Variants in CELF2 observed in about 807,000 individuals in gnomAD.
The protein encoded by CELF2 is CUGBP Elav-like family member 2.
A neutral mutation model predicts 62.6 loss-of-function variants in CELF2; 8 were observed. The ratio of observed to expected loss-of-function variants is 0.13; its 90% confidence interval spans 0.07 to 0.23. CELF2 has a LOEUF of 0.23. Ranked by LOEUF, CELF2 falls within the 10% of genes least tolerant of loss-of-function variation. The pLI, the probability that CELF2 is intolerant of heterozygous loss-of-function variation, is 1.00. For missense variants in CELF2, 333 were observed against 671.0 expected, an observed-to-expected ratio of 0.50 and a Z score of 5.56; for synonymous variants, 258 against 250.0, an observed-to-expected ratio of 1.03 and a Z score of -0.30.
chr10:10,759,296 C>CTTTTTTTT, the CELF2 span, among the ~76,000 whole-genome samples: 58 of 120,866 alleles, frequency 4.8e-4, no homozygotes, highest in East Asian at 8.3e-4. Flanking sequence ...GCCCATTTTT[C>CTTTTTTTT]TTTTTTTTTT....
chr10:10,634,602 A>G, the CELF2 span, among the ~76,000 whole-genome samples: 1 of 152,038 alleles, frequency 6.6e-6, no homozygotes, highest in Non-Finnish European at 1.5e-5. Flanking sequence ...AGGTTATGCA[A>G]TAATGCTAAA....
the CELF2 span, among the ~76,000 whole-genome samples, chr10:10,659,755 C>T: frequency 6.6e-6 from 1 of 152,192 alleles, no homozygotes; most frequent in African/African-American, 2.4e-5. Flanking sequence ...ACAGGCAAGG[C>T]ATTTCCCCAG....
At chr10:11,171,342 G>T (rs151124047) in intron 2 of CELF2, 4,337 of 152,282 alleles carry the variant, frequency 0.028, 101 homozygotes, top group Non-Finnish European at 0.039. Context: ...CTGCAGTGAG[G>T]GTTACACTGG....
At position 11,046,891 on chromosome 10, in the gene CELF2, A is replaced by G. The variant is rs1422352816; in HGVS notation, c.74+28728A>G. 1.3e-5 allele frequency among the ~76,000 whole-genome samples: 2 copies of G among 152,172 alleles called. No individual in the cohort carries two copies. Among genetic ancestry groups the G allele is most frequent in the Non-Finnish European group, 2.9e-5 (2 of 68,044 alleles). ...GTGCTTGAGTCACTGGGGAGAAGAA[A>G]ATTTCCAGAGATGTGATAGAAAACA... On this transcript the variant is annotated intron_variant, in intron 1 of 12. Coordinates refer to ENST00000633077, the MANE Select transcript of CELF2 (RefSeq NM_001326342.2). This position sits in a 1 kb window ranked among gnomAD's most constrained non-coding sequence, Gnocchi z 4.6.
At chr10:10,789,072 T>G in the CELF2 span, 1 of 152,088 alleles carries the variant, frequency 6.6e-6, no homozygotes, top group African/African-American at 2.4e-5. Context: ...GAAAGATGAT[T>G]GCAAAAGAGA....
At chr10:10,708,753 C>CTTTGAA in the CELF2 span, among the ~76,000 whole-genome samples, 1 of 152,056 alleles carries the variant, frequency 6.6e-6, no homozygotes, top group Non-Finnish European at 1.5e-5. Flanking sequence ...AGTCTACATA[C>CTTTGAA]ATATACGATT....
intron 1 of CELF2, among the ~76,000 whole-genome samples, chr10:11,120,399 C>G (rs2057490530): frequency 6.6e-6 from 1 of 152,134 alleles, no homozygotes; most frequent in South Asian, 2.1e-4. Context: ...TTTTAATGTT[C>G]TAACAGGTTT....
chr10:11,165,750 G>A lies in CELF2; in HGVS notation c.271+68G>A. ...GTCGCGGGGCACTGGGGCTGTCCGA[G>A]CCCCCAGCCTGCAGGAGGAAGGGCG... is the stretch of plus-strand genomic sequence containing the variant. On this transcript the variant is annotated intron_variant, in intron 2 of 12. Transcript: ENST00000633077. This position sits in a 1 kb window ranked among gnomAD's most constrained non-coding sequence, Gnocchi z 7.4. The A allele has an allele frequency of 2.1e-6, 3 of 1,432,304 alleles. No homozygotes were observed. Among genetic ancestry groups the A allele is most frequent in the Non-Finnish European group, 2.8e-6 (3 of 1,061,784 alleles). The allele number at this position is 1,432,304 out of a possible 1,614,324, so 88.7% of individuals were successfully genotyped here.
intron 3 of CELF2, among the ~76,000 whole-genome samples, chr10:11,248,153 C>T (rs1481180713): frequency 6.6e-6 from 1 of 152,174 alleles, no homozygotes; most frequent in South Asian, 2.1e-4. Flanking sequence ...CCTTCCACCC[C>T]GTGGCTCCTG....
At chr10:11,127,260 A>G (rs1052411542) in intron 1 of CELF2, among the ~76,000 whole-genome samples, 14 of 152,190 alleles carry the variant, frequency 9.2e-5, no homozygotes, top group Admixed American at 1.3e-4. Context: ...TCCATGGTGT[A>G]TATGTGCCAT....
rs562911661 is a variant in CELF2, at chr10:11,297,302, G to A, written c.976+8750G>A. 2.4e-4 allele frequency among the ~76,000 whole-genome samples: 36 copies of A among 152,306 alleles called. No individual in the cohort carries two copies. The highest frequency in any genetic ancestry group is 7.9e-4 in the African/African-American group (33 of 41,576). ...TGTGACCATCAGGCTGACCAGAGCCGGGAGCTGCAGAGTGGATTGAGACTG... is the reference window on the plus strand; with the variant it reads ...TGTGACCATCAGGCTGACCAGAGCCAGGAGCTGCAGAGTGGATTGAGACTG... On this transcript the variant is annotated intron_variant, in intron 9 of 12. Transcript: ENST00000633077. This position sits in a 1 kb window ranked among gnomAD's most constrained non-coding sequence, Gnocchi z 4.4.
chr10:11,094,990 A>G (rs1174007818), intron 1 of CELF2, among the ~76,000 whole-genome samples: 1 of 152,114 alleles, frequency 6.6e-6, no homozygotes, highest in Non-Finnish European at 1.5e-5. Flanking sequence ...ACATTTTTAT[A>G]TTTTTGGTAG....
chr10:11,044,136 CA>C (rs1564496783), intron 1 of CELF2, among the ~76,000 whole-genome samples: 1 of 152,010 alleles, frequency 6.6e-6, no homozygotes, highest in African/African-American at 2.4e-5. Flanking sequence ...CTCAAAAAAA[CA>C]GTGTCCCATC....
the CELF2 span, among the ~76,000 whole-genome samples, chr10:10,471,225 T>C: frequency 6.6e-6 from 1 of 151,838 alleles, no homozygotes; most frequent in African/African-American, 2.4e-5. Context: ...AGTTATCTGA[T>C]GTAGTATTCT....
intron 1 of CELF2, among the ~76,000 whole-genome samples, chr10:10,852,868 T>A (rs2059470658): frequency 4.6e-5 from 7 of 152,218 alleles, no homozygotes; most frequent in Admixed American, 4.6e-4. Flanking sequence ...ATTTGGAGGC[T>A]GAACAGGAAA....
chr10:11,256,020 C>T (rs563173977), intron 4 of CELF2, among the ~76,000 whole-genome samples: 3 of 152,274 alleles, frequency 2.0e-5, no homozygotes, highest in South Asian at 2.1e-4. Flanking sequence ...GTCCCTCCCC[C>T]GCTGGACCTT....
At chr10:11,190,449 C>T (rs945698108) in intron 2 of CELF2, among the ~76,000 whole-genome samples, 6 of 151,944 alleles carry the variant, frequency 3.9e-5, no homozygotes, top group Non-Finnish European at 8.8e-5. Flanking sequence ...AGTTTGCAAA[C>T]AAGAACTGCC....
chr10:10,842,962 A>C (rs1471751794), intron 1 of CELF2, among the ~76,000 whole-genome samples: 1 of 151,978 alleles, frequency 6.6e-6, no homozygotes, highest in African/African-American at 2.4e-5. Flanking sequence ...GTTACTTATT[A>C]ATTTCTTTAG....
intron 2 of CELF2, chr10:10,935,030 G>A (rs2066477894): frequency 6.6e-6 from 1 of 152,210 alleles, no homozygotes; most frequent in Admixed American, 6.5e-5. Flanking sequence ...ATCATAGACT[G>A]TGCTTCTCTT....
Sources: gnomAD v4.1 joint callset for allele counts (sites outside exome capture counted in the v4.1 genomes callset) on GRCh38, gnomAD v4.1.1 for gene constraint, Gnocchi (gnomAD v3.1) non-coding constraint, MANE v1.5 for transcripts, NCBI Gene and HGNC (gene_info 2026-07-23, HGNC 2026-07-21) for gene names.